Variants in TSGA10 observed in about 807,000 individuals in gnomAD.
The protein encoded by TSGA10 is testis-specific gene 10 protein.
Under a neutral mutation model 96.6 loss-of-function variants are expected in TSGA10, and 43 were observed. The observed-to-expected ratio is 0.44, with a 90% confidence interval of 0.35 to 0.57. The LOEUF is 0.57. Ranked by LOEUF, TSGA10 falls within the 20% of genes least tolerant of loss-of-function variation. The probability of loss-of-function intolerance (pLI) is 0.01; values close to 1 mark genes in which losing one functional copy is unlikely to be tolerated. For missense variants in TSGA10, 703 were observed against 834.4 expected, an observed-to-expected ratio of 0.84 and a Z score of 1.94; for synonymous variants, 229 against 269.9, an observed-to-expected ratio of 0.85 and a Z score of 1.48.
chr2:99,034,179 C>A (rs1558790075), intron 17 of TSGA10, among the ~76,000 whole-genome samples: 2 of 151,862 alleles, frequency 1.3e-5, no homozygotes, highest in African/African-American at 4.8e-5. Context: ...TCCATACATT[C>A]TGGATTAAAG....
At chr2:99,154,523 T>G (rs888982922) in intron 1 of TSGA10, 170 bp downstream of exon 1, 1 of 153,808 alleles carries the variant, frequency 6.5e-6, no homozygotes, top group Non-Finnish European at 1.5e-5. Context: ...ACTCACTTAT[T>G]TGGAGGAGAT....
At chr2:99,146,853 TC>T (rs1299977442) in intron 1 of TSGA10, among the ~76,000 whole-genome samples, 1 of 152,210 alleles carries the variant, frequency 6.6e-6, no homozygotes, top group Non-Finnish European at 1.5e-5. Flanking sequence ...GGTCTCGAAC[TC>T]CTGACCTCGT....
chr2:99,102,918 T>C (rs897608046), intron 10 of TSGA10, among the ~76,000 whole-genome samples: 1 of 152,334 alleles, frequency 6.6e-6, no homozygotes, highest in Non-Finnish European at 1.5e-5. Flanking sequence ...TGTAATGTCA[T>C]GTTTGTACTT....
rs184644543 is a variant in TSGA10 at position 99,014,743 on chromosome 2, C to T, written c.2072+3457G>A. On this transcript the variant is annotated intron_variant, in intron 20 of 20. Transcript: ENST00000393483. The stretch of plus-strand genomic sequence containing the variant: ...ATAAACAAAATTGATAGACCACTAG[C>T]GAGATTAACCAAGAAAAGAAGAGAG... Among the ~76,000 whole-genome samples, 405 of 151,988 alleles carry T rather than the reference C, an allele frequency of 2.7e-3. 2 individuals are homozygous for T. Among genetic ancestry groups the T allele is most frequent in the African/African-American group, 9.3e-3 (384 of 41,456 alleles).
chr2:99,103,973 G>T lies in TSGA10; in HGVS notation c.605C>A (p.Ser202Tyr), dbSNP rs140899327. The T allele has an allele frequency of 7.8e-4, 1,262 of 1,613,916 alleles. 1 individual carries two copies. The highest frequency in any genetic ancestry group is 1.0e-3 in the Non-Finnish European group (1,228 of 1,179,942). ...ELGRQKAENNSLRLLYENTEK... is the reference protein window; with the variant it reads ...ELGRQKAENNYLRLLYENTEK... ...TAAAGGTGATTTAGTTTACCTCAAA[G>T]AATTATTCTCTGCTTTTTGTCTGCC... The change falls in exon 10 of 21, where the codon TCT becomes TAT. Residue 202 changes from serine (S) to tyrosine (Y), a missense_variant. By Grantham distance (144) the Ser-to-Tyr change is moderately radical. Transcript: ENST00000393483.
At chr2:99,063,784 G>A (rs779005792) in intron 16 of TSGA10, among the ~76,000 whole-genome samples, 11 of 151,734 alleles carry the variant, frequency 7.2e-5, no homozygotes, top group Non-Finnish European at 1.2e-4. Context: ...CCAGCCTGGC[G>A]ACAGAGCGAG....
chr2:99,140,494 T>TG (rs1171343138), intron 1 of TSGA10, among the ~76,000 whole-genome samples: 8 of 150,888 alleles, frequency 5.3e-5, no homozygotes, highest in African/African-American at 1.9e-4. Context: ...AAAAAAAAAG[T>TG]GAAAAAAAAC....
intron 10 of TSGA10, among the ~76,000 whole-genome samples, chr2:99,088,256 CAG>C (rs1453521754): frequency 1.3e-5 from 2 of 152,146 alleles, no homozygotes; most frequent in South Asian, 2.1e-4. Context: ...CAACTGAAAA[CAG>C]AGAGACCACA....
chr2:99,094,865 G>A (rs1347873953), intron 10 of TSGA10, among the ~76,000 whole-genome samples: 1 of 152,130 alleles, frequency 6.6e-6, no homozygotes, highest in Non-Finnish European at 1.5e-5. Flanking sequence ...AGAACTAAAT[G>A]TAAAACCATT....
rs767285008 is a variant in TSGA10, at chr2:99,103,923, T to G, written c.611+44A>C. 1.9e-6 allele frequency: 3 copies of G among 1,596,694 alleles called. No individual in the cohort carries two copies. In the African/African-American group the frequency reaches 4.0e-5, roughly 21 times the overall value. On this transcript the variant is annotated intron_variant, in intron 10 of 20. Coordinates refer to ENST00000393483, the MANE Select transcript of TSGA10 (RefSeq NM_025244.4). ...AAATACACTATAAAAAGCAGAGCTATAGTTATAGTAAACTGTTGGTTGTTT... is the reference window on the plus strand; with the variant it reads ...AAATACACTATAAAAAGCAGAGCTAGAGTTATAGTAAACTGTTGGTTGTTT...
At chr2:99,079,910 C>T (rs574821288) in intron 11 of TSGA10, among the ~76,000 whole-genome samples, 1 of 152,282 alleles carries the variant, frequency 6.6e-6, no homozygotes, top group African/African-American at 2.4e-5. Context: ...CTGGAGAATA[C>T]ACCATGTCTC....
intron 1 of TSGA10, among the ~76,000 whole-genome samples, chr2:99,153,593 A>G (rs2093715336): frequency 1.3e-5 from 2 of 152,218 alleles, no homozygotes; most frequent in African/African-American, 4.8e-5. Context: ...GTACCATCTC[A>G]GATTTCAGAG....
intron 7 of TSGA10, among the ~76,000 whole-genome samples, chr2:99,108,076 T>C (rs775697330): frequency 6.6e-6 from 1 of 152,176 alleles, no homozygotes; most frequent in Non-Finnish European, 1.5e-5. Context: ...ACACTTTGTA[T>C]CTTTTAATAA....
At chr2:99,048,784 T>C (rs2083066687) in intron 16 of TSGA10, among the ~76,000 whole-genome samples, 1 of 152,204 alleles carries the variant, frequency 6.6e-6, no homozygotes, top group African/African-American at 2.4e-5. Context: ...GTCATCAGTA[T>C]GAACAGGCAA....
chr2:99,146,341 C>T (rs923321875), intron 1 of TSGA10, among the ~76,000 whole-genome samples: 4 of 152,090 alleles, frequency 2.6e-5, no homozygotes, highest in Non-Finnish European at 4.4e-5. Flanking sequence ...TTTTCTTTTT[C>T]CTTGCTAATT....
chr2:99,146,828 C>T (rs1400974579), intron 1 of TSGA10, among the ~76,000 whole-genome samples: 2 of 152,146 alleles, frequency 1.3e-5, no homozygotes, highest in Non-Finnish European at 2.9e-5. Flanking sequence ...AGAGTTTCAC[C>T]ATGTTGATCA....
rs538726196 is a variant in TSGA10 at position 99,103,081 on chromosome 2, TAA to T, written c.611+884_611+885del. 8.9e-3 allele frequency among the ~76,000 whole-genome samples: 1,124 copies of T among 126,660 alleles called. 11 individuals carry two copies. The highest frequency in any genetic ancestry group is 0.025 in the African/African-American group (887 of 36,100). The allele number at this position is 126,660 out of a possible 152,430, so 83.1% of individuals were successfully genotyped here. On this transcript the variant is annotated intron_variant, in intron 10 of 20. Transcript: ENST00000393483. ...TCAATTAAATAATTGGTTTTATGAC[TAA>T]AAAAAAAAAAAAAAAAAATTGTTAA...
chr2:99,079,973 A>G (rs907442511), intron 11 of TSGA10, among the ~76,000 whole-genome samples: 1 of 152,128 alleles, frequency 6.6e-6, no homozygotes, highest in Non-Finnish European at 1.5e-5. Context: ...GTGTGTCCTG[A>G]TATCTGAGTT....
intron 12 of TSGA10, among the ~76,000 whole-genome samples, chr2:99,073,581 G>A (rs1362205421): frequency 6.6e-6 from 1 of 152,176 alleles, no homozygotes; most frequent in African/African-American, 2.4e-5. Flanking sequence ...TCAAAAAGCT[G>A]TTCCAATCCA....
Sources: allele counts gnomAD v4.1 joint callset (sites outside exome capture counted in the v4.1 genomes callset), GRCh38; gene constraint gnomAD v4.1.1; transcripts MANE v1.5; gene names NCBI Gene and HGNC (gene_info 2026-07-23, HGNC 2026-07-21).